SGSM1: variants seen among roughly 807,000 people sequenced by gnomAD.
The protein encoded by SGSM1 is RUN and TBC1 domain containing 2.
A neutral mutation model predicts 133.8 loss-of-function variants in SGSM1; 73 were observed. The observed-to-expected ratio is 0.55, with a 90% CI of 0.45 to 0.66. The LOEUF is 0.66. SGSM1 is among the 30% of genes least tolerant of loss of function. The pLI is 0.00. For missense variants in SGSM1, 1,213 were observed against 1,448.1 expected (o/e 0.84, Z 2.64); for synonymous variants, 563 against 573.0 (o/e 0.98, Z 0.25).
chr22:24,886,916 A>C (rs1007910472), intron 16 of SGSM1, among the ~76,000 whole-genome samples, 188 bp downstream of exon 16: 25 of 152,186 alleles, frequency 1.6e-4, no homozygotes, highest in African/African-American at 6.0e-4. Context: ...TACGTTTTTA[A>C]ATTTTGGACT....
At chr22:24,863,744 CTTTT>C (rs200717326) in intron 9 of SGSM1, among the ~76,000 whole-genome samples, 1 of 140,398 alleles carries the variant, frequency 7.1e-6, no homozygotes, top group Admixed American at 7.1e-5. Flanking sequence ...TTCTTCTTTT[CTTTT>C]TTTTTTTTTT....
At chr22:24,830,391 G>A (rs1243513776) in intron 2 of SGSM1, among the ~76,000 whole-genome samples, 1 of 152,172 alleles carries the variant, frequency 6.6e-6, no homozygotes, top group Non-Finnish European at 1.5e-5. Flanking sequence ...CCTTAGGAGA[G>A]GAGCTTAACC....
intron 2 of SGSM1, among the ~76,000 whole-genome samples, chr22:24,806,874 G>A (rs1294745723): frequency 2.0e-5 from 3 of 152,044 alleles, no homozygotes; most frequent in Non-Finnish European, 4.4e-5. Flanking sequence ...GCTGGAGGAG[G>A]GGCTCTGAAT....
intron 13 of SGSM1, among the ~76,000 whole-genome samples, chr22:24,878,200 G>A (rs1932129841): frequency 1.3e-5 from 2 of 152,166 alleles, no homozygotes; most frequent in South Asian, 4.1e-4. Context: ...TCCTGACTGA[G>A]TAGGTATGTG....
At chr22:24,923,375 A>G (rs1371410566) in intron 24 of SGSM1, among the ~76,000 whole-genome samples, 3 of 152,060 alleles carry the variant, frequency 2.0e-5, no homozygotes, top group African/African-American at 4.8e-5. Context: ...TTTCTACTAA[A>G]TGGTTTATTT....
intron 2 of SGSM1, among the ~76,000 whole-genome samples, chr22:24,816,825 G>C (rs1222373860): frequency 6.6e-6 from 1 of 152,150 alleles, no homozygotes; most frequent in Non-Finnish European, 1.5e-5. Context: ...CTGTGGGGAG[G>C]TAGAGTGTTG....
intron 19 of SGSM1, among the ~76,000 whole-genome samples, chr22:24,900,364 T>C (rs1933095292): frequency 8.6e-6 from 1 of 116,040 alleles, no homozygotes; most frequent in African/African-American, 4.0e-5. Context: ...TCTTTCTTTC[T>C]TTCTTTCTTT....
chr22:24,905,459 G>A (rs1933341491), intron 21 of SGSM1, among the ~76,000 whole-genome samples: 1 of 152,086 alleles, frequency 6.6e-6, no homozygotes, highest in South Asian at 2.1e-4. Flanking sequence ...AAACCCAGAC[G>A]GCTTCACTGG....
chr22:24,834,857 A>G (rs1025824558), intron 2 of SGSM1, among the ~76,000 whole-genome samples: 4 of 150,444 alleles, frequency 2.7e-5, no homozygotes, highest in Admixed American at 2.0e-4. Context: ...CTGGCCCTGG[A>G]TCTTCCTGGT....
At chr22:24,904,147 A>G (rs1933275592) in intron 20 of SGSM1, among the ~76,000 whole-genome samples, 1 of 152,272 alleles carries the variant, frequency 6.6e-6, no homozygotes, top group South Asian at 2.1e-4. Context: ...TCTATGCTTC[A>G]GTCCCCTCAT....
Position 24,855,510 on chromosome 22 carries a change from C to G in SGSM1, c.670-39C>G, listed in dbSNP as rs16979089. Reference sequence around the variant, plus strand: ...CAGGGTAGGAGCCCTGAAAATCACCCCAGGCCTCATCCCTCTGTCTCCCGT... The same window carrying G: ...CAGGGTAGGAGCCCTGAAAATCACCGCAGGCCTCATCCCTCTGTCTCCCGT... On this transcript the variant is annotated intron_variant, in intron 7 of 24. Transcript: ENST00000400358. The G allele has an allele frequency of 2.8e-3, 4,540 of 1,613,434 alleles. 125 individuals carry two copies. In the African/African-American group the frequency reaches 0.054, roughly 19 times the overall value.
At chr22:24,831,359 A>G (rs1929111053) in intron 2 of SGSM1, among the ~76,000 whole-genome samples, 1 of 152,030 alleles carries the variant, frequency 6.6e-6, no homozygotes, top group South Asian at 2.1e-4. Context: ...AGTTATCCTG[A>G]GTTGGGGCAA....
At chr22:24,861,953 TTTC>T (rs869229890) in intron 9 of SGSM1, among the ~76,000 whole-genome samples, 9 of 143,768 alleles carry the variant, frequency 6.3e-5, no homozygotes, top group East Asian at 5.9e-4. Context: ...TCTTTCTTTC[TTTC>T]TTTTTTTTTT....
chr22:24,852,409 T>C (rs972619711), intron 5 of SGSM1, among the ~76,000 whole-genome samples: 4 of 152,180 alleles, frequency 2.6e-5, no homozygotes, highest in African/African-American at 9.7e-5. Context: ...CTTCTTACAG[T>C]CACACCTCGG....
intron 24 of SGSM1, among the ~76,000 whole-genome samples, chr22:24,921,017 T>C (rs1300881096): frequency 6.6e-6 from 1 of 152,232 alleles, no homozygotes; most frequent in East Asian, 1.9e-4. Context: ...ACCACAGTCA[T>C]GTTTATTTTT....
chr22:24,913,380 C>T (rs1278504143), intron 22 of SGSM1, among the ~76,000 whole-genome samples: 3 of 152,004 alleles, frequency 2.0e-5, no homozygotes, highest in Admixed American at 1.3e-4. Flanking sequence ...GAGTTGGGCC[C>T]AGGAGTCTGT....
At position 24,901,948 on chromosome 22, in the gene SGSM1, T is replaced by A; in HGVS notation, c.2726T>A (p.Ile909Asn). 6.6e-7 allele frequency: 1 copy of A among 1,508,340 alleles called. No individual in the cohort carries two copies. Among genetic ancestry groups the A allele is most frequent in the East Asian group, 2.8e-5 (1 of 36,134 alleles). The allele number at this position is 1,508,340 out of a possible 1,614,324, so 93.4% of individuals were successfully genotyped here. The change falls in exon 20 of 25, where the codon ATC (isoleucine) becomes AAC (asparagine). Residue 909 changes from isoleucine to asparagine, a missense_variant. Physicochemically the swap from Ile to Asn is moderately radical, Grantham distance 149. Transcript: ENST00000400358. ...TPANLEKLRN[I>N]MCSYIWQHIE... ...GCCAACTTGGAGAAGCTGCGTAACA[T>A]CATGTGCAGGTGGCTGGGGACAGCG...
chr22:24,862,227 G>A (rs751509960), intron 9 of SGSM1, among the ~76,000 whole-genome samples: 23 of 152,084 alleles, frequency 1.5e-4, no homozygotes, highest in Non-Finnish European at 3.1e-4. Context: ...TGGGATTACA[G>A]GCGTGAGCCA....
At chr22:24,851,439 G>GT (rs1569147596) in intron 5 of SGSM1, among the ~76,000 whole-genome samples, 1 of 139,042 alleles carries the variant, frequency 7.2e-6, no homozygotes, top group African/African-American at 3.0e-5. Context: ...GAAGGGAGGG[G>GT]GGGGTGGGGG....
Sources: allele counts gnomAD v4.1 joint callset (sites outside exome capture counted in the v4.1 genomes callset), GRCh38; gene constraint gnomAD v4.1.1; transcripts MANE v1.5; gene names NCBI Gene and HGNC (gene_info 2026-07-23, HGNC 2026-07-21).